GALNTL6: variants seen among roughly 807,000 people sequenced by gnomAD.
GALNTL6 encodes polypeptide N-acetylgalactosaminyltransferase-like 6.
Under a neutral mutation model 73.7 loss-of-function variants are expected in GALNTL6, and 46 were observed. That is an observed-to-expected ratio of 0.62 (90% CI 0.49 to 0.80). The LOEUF is 0.80. GALNTL6 is among the 30% of genes least tolerant of loss of function. The pLI is 0.00. For missense variants in GALNTL6, 604 were observed against 755.0 expected, an observed-to-expected ratio of 0.80 and a Z score of 2.34; for synonymous variants, 259 against 263.7, an observed-to-expected ratio of 0.98 and a Z score of 0.17.
At chr4:172,531,623 A>G (rs984517030) in intron 5 of GALNTL6, among the ~76,000 whole-genome samples, 113 of 152,318 alleles carry the variant, frequency 7.4e-4, no homozygotes, top group African/African-American at 2.6e-3. Flanking sequence ...TAATACCTGC[A>G]TCTGGAGTGG....
At chr4:172,481,398 C>A (rs975526310) in intron 5 of GALNTL6, among the ~76,000 whole-genome samples, 2 of 124,954 alleles carry the variant, frequency 1.6e-5, no homozygotes, top group Non-Finnish European at 3.7e-5. Context: ...AAGAGCAAAG[C>A]TTCCACAGTG....
At position 172,943,482 on chromosome 4, in the gene GALNTL6, C is replaced by T. The variant is rs573089423; in HGVS notation, c.1150-8555C>T. Among the ~76,000 whole-genome samples, 51 of 152,250 alleles carry T rather than the reference C, an allele frequency of 3.3e-4. No homozygotes were observed. In the South Asian group the frequency reaches 0.011, roughly 32 times the overall value. On this transcript the variant is annotated intron_variant, in intron 9 of 12. Coordinates refer to ENST00000506823, the MANE Select transcript of GALNTL6 (RefSeq NM_001034845.3). ...AAAAATGTTTTTTATTGTTTTAAGC[C>T]GCTCAGGTGTGAGATAGGGTGTTAT...
At chr4:172,587,334 T>TATTCCC (rs1367336981) in intron 5 of GALNTL6, among the ~76,000 whole-genome samples, 1 of 152,196 alleles carries the variant, frequency 6.6e-6, no homozygotes, top group African/African-American at 2.4e-5. Flanking sequence ...AAAGCCACAT[T>TATTCCC]ATTCCCCACC....
At chr4:172,894,720 A>T (rs1319735760) in intron 8 of GALNTL6, among the ~76,000 whole-genome samples, 1 of 152,040 alleles carries the variant, frequency 6.6e-6, no homozygotes, top group African/African-American at 2.4e-5. Context: ...TTCAATTATG[A>T]TGTCTCTTTG....
chr4:172,252,761 ATCT>A (rs1031434179), intron 3 of GALNTL6, among the ~76,000 whole-genome samples: 221 of 152,160 alleles, frequency 1.5e-3, no homozygotes, highest in African/African-American at 5.0e-3. Flanking sequence ...TCAATGTAAC[ATCT>A]TCTTAGAAGC....
chr4:172,358,466 A>G (rs77979342), intron 5 of GALNTL6, among the ~76,000 whole-genome samples: 4,797 of 152,338 alleles, frequency 0.031, 244 homozygotes, highest in African/African-American at 0.11. Flanking sequence ...ATATGACCCA[A>G]CACAAATTCG....
intron 5 of GALNTL6, among the ~76,000 whole-genome samples, chr4:172,358,267 A>T (rs1285647917): frequency 2.6e-5 from 4 of 152,204 alleles, no homozygotes; most frequent in African/African-American, 7.2e-5. Context: ...GTATGATTTC[A>T]CTATTAAGAA....
At chr4:172,768,603 T>C (rs1463676475) in intron 5 of GALNTL6, among the ~76,000 whole-genome samples, 1 of 152,212 alleles carries the variant, frequency 6.6e-6, no homozygotes, top group African/African-American at 2.4e-5. Flanking sequence ...GTAGAATATT[T>C]ATAAACATTC....
At chr4:172,860,153 T>G (rs1278644355) in intron 7 of GALNTL6, among the ~76,000 whole-genome samples, 1 of 152,202 alleles carries the variant, frequency 6.6e-6, no homozygotes, top group African/African-American at 2.4e-5. Flanking sequence ...AACATTGTGT[T>G]TTATGCTTTA....
At chr4:172,602,682 G>T (rs1738111050) in intron 5 of GALNTL6, among the ~76,000 whole-genome samples, 1 of 152,098 alleles carries the variant, frequency 6.6e-6, no homozygotes, top group Admixed American at 6.6e-5. Flanking sequence ...AAGATTGGCA[G>T]CTTCTTTAAA....
intron 9 of GALNTL6, among the ~76,000 whole-genome samples, chr4:172,934,573 G>A (rs563472781): frequency 1.4e-4 from 21 of 152,296 alleles, no homozygotes; most frequent in East Asian, 3.9e-4. Flanking sequence ...GGGAATAAGC[G>A]TATTCACTTG....
intron 5 of GALNTL6, among the ~76,000 whole-genome samples, chr4:172,370,680 A>G (rs948012242): frequency 7.3e-5 from 11 of 149,848 alleles, no homozygotes; most frequent in Non-Finnish European, 1.0e-4. Context: ...CTGACTTCGG[A>G]AGCCTTTTCC....
chr4:172,704,732 C>T (rs918614927), intron 5 of GALNTL6, among the ~76,000 whole-genome samples: 1 of 151,936 alleles, frequency 6.6e-6, no homozygotes, highest in Non-Finnish European at 1.5e-5. Context: ...CAGTTTAATT[C>T]TGATGATTAT....
intron 5 of GALNTL6, chr4:172,380,540 C>T (rs908676703): frequency 1.7e-5 from 6 of 357,988 alleles, no homozygotes; most frequent in African/African-American, 1.3e-4. Flanking sequence ...TTTATATATC[C>T]TTGTTTTCAA....
At chr4:172,783,721 C>T (rs1246274392) in intron 5 of GALNTL6, among the ~76,000 whole-genome samples, 1 of 151,844 alleles carries the variant, frequency 6.6e-6, no homozygotes, top group East Asian at 1.9e-4. Flanking sequence ...TGAAATTATC[C>T]TTCTCCTTTA....
At chr4:171,854,203 G>T (rs919932448) in intron 2 of GALNTL6, among the ~76,000 whole-genome samples, 43 of 152,256 alleles carry the variant, frequency 2.8e-4, no homozygotes, top group African/African-American at 1.0e-3. Flanking sequence ...GTCCTTCCCA[G>T]ATACCAGTGT....
chr4:172,841,748 T>C (rs1160743801), intron 7 of GALNTL6, among the ~76,000 whole-genome samples: 1 of 152,138 alleles, frequency 6.6e-6, no homozygotes, highest in Non-Finnish European at 1.5e-5. Flanking sequence ...CATAATCCAA[T>C]CACTTCCCTC....
intron 3 of GALNTL6, among the ~76,000 whole-genome samples, chr4:172,239,169 A>C (rs770349384): frequency 6.6e-6 from 1 of 152,164 alleles, no homozygotes; most frequent in South Asian, 2.1e-4. Context: ...AGTTTTAGTA[A>C]GAATGGTACC....
At chr4:172,988,441 T>G (rs1434909277) in intron 10 of GALNTL6, among the ~76,000 whole-genome samples, 1 of 152,168 alleles carries the variant, frequency 6.6e-6, no homozygotes, top group Non-Finnish European at 1.5e-5. Flanking sequence ...AGAAAAGAGA[T>G]TATCTCAAAT....
Sources: gnomAD v4.1 joint callset for allele counts (sites outside exome capture counted in the v4.1 genomes callset) on GRCh38, gnomAD v4.1.1 for gene constraint, MANE v1.5 for transcripts, NCBI Gene and HGNC (gene_info 2026-07-23, HGNC 2026-07-21) for gene names.